SEMA6D: variants seen among roughly 807,000 people sequenced by gnomAD.
SEMA6D encodes semaphorin-6D.
A neutral mutation model predicts 106.6 loss-of-function variants in SEMA6D; 35 were observed. The ratio of observed to expected loss-of-function variants is 0.33; its 90% confidence interval spans 0.25 to 0.44. SEMA6D has a LOEUF of 0.44. SEMA6D is among the 20% of genes least tolerant of loss of function. SEMA6D has a pLI of 1.00. For missense variants in SEMA6D, 1,185 were observed against 1,345.9 expected, an observed-to-expected ratio of 0.88 and a Z score of 1.87; for synonymous variants, 499 against 487.7, an observed-to-expected ratio of 1.02 and a Z score of -0.31.
At chr15:47,353,705 T>C (rs1412645906) in intron 1 of SEMA6D, among the ~76,000 whole-genome samples, 1 of 152,138 alleles carries the variant, frequency 6.6e-6, no homozygotes, top group Non-Finnish European at 1.5e-5. Flanking sequence ...TATCTTTGAG[T>C]CCACCACAGC....
At chr15:47,306,283 C>T (rs943451040) in intron 1 of SEMA6D, among the ~76,000 whole-genome samples, 5 of 151,882 alleles carry the variant, frequency 3.3e-5, no homozygotes, top group Non-Finnish European at 5.9e-5. Flanking sequence ...GCGCCTGGCC[C>T]AATGGTAACT....
intron 3 of SEMA6D, among the ~76,000 whole-genome samples, chr15:47,593,032 CCT>C (rs2076467593): frequency 6.6e-6 from 1 of 152,118 alleles, no homozygotes; most frequent in South Asian, 2.1e-4. Flanking sequence ...CACAGCAGTA[CCT>C]CTCTGTGAAG....
At chr15:47,770,440 A>C (rs957343173) in intron 18 of SEMA6D, 57 bp from the exon 19 acceptor site, 31 of 1,412,520 alleles carry the variant, frequency 2.2e-5, no homozygotes, top group Non-Finnish European at 2.9e-5. Context: ...GCCATTTGCT[A>C]TTTATTATTA....
chr15:47,715,466 A>G (rs970455899), upstream of SEMA6D, among the ~76,000 whole-genome samples: 12 of 152,178 alleles, frequency 7.9e-5, no homozygotes, highest in Non-Finnish European at 1.2e-4. Flanking sequence ...CTTAAAAGTA[A>G]TATTTTGGTC....
intron 3 of SEMA6D, among the ~76,000 whole-genome samples, chr15:47,561,373 A>C (rs1225829247): frequency 6.6e-6 from 1 of 152,104 alleles, no homozygotes; most frequent in Non-Finnish European, 1.5e-5. Flanking sequence ...CAAATCTTCT[A>C]TATCCAGCAA....
intron 11 of SEMA6D, 83 bp downstream of exon 11, chr15:47,764,388 G>A: frequency 6.7e-7 from 1 of 1,503,508 alleles, no homozygotes; most frequent in East Asian, 2.3e-5. Flanking sequence ...GAGCAGCTTG[G>A]CCAACCTCCC....
At chr15:47,458,876 T>G (rs1352245577) in intron 2 of SEMA6D, among the ~76,000 whole-genome samples, 1 of 151,788 alleles carries the variant, frequency 6.6e-6, no homozygotes, top group Non-Finnish European at 1.5e-5. Flanking sequence ...CAAAAATAAA[T>G]AAATAAATAA....
At chr15:47,478,079 C>G (rs2043049160) in intron 3 of SEMA6D, among the ~76,000 whole-genome samples, 1 of 152,054 alleles carries the variant, frequency 6.6e-6, no homozygotes, top group Non-Finnish European at 1.5e-5. Context: ...ATTTCTCAAC[C>G]CCTTTTAACT....
At chr15:47,468,941 G>A (rs535717012) in intron 2 of SEMA6D, among the ~76,000 whole-genome samples, 2 of 152,208 alleles carry the variant, frequency 1.3e-5, no homozygotes, top group African/African-American at 4.8e-5. Context: ...AATGTTTTAT[G>A]TAGAAAGTCC....
intron 1 of SEMA6D, among the ~76,000 whole-genome samples, chr15:47,338,410 G>A (rs1464154604): frequency 6.6e-6 from 1 of 152,116 alleles, no homozygotes; most frequent in East Asian, 1.9e-4. Flanking sequence ...AAATGCTTGA[G>A]GGGATGGATA....
At chr15:47,491,900 A>G (rs1215044518) in intron 3 of SEMA6D, among the ~76,000 whole-genome samples, 5 of 152,160 alleles carry the variant, frequency 3.3e-5, no homozygotes, top group African/African-American at 4.8e-5. Flanking sequence ...CAGTGGTTGA[A>G]TTAATTAATA....
At chr15:47,476,226 G>C (rs1363289572) in intron 3 of SEMA6D, among the ~76,000 whole-genome samples, 1 of 152,186 alleles carries the variant, frequency 6.6e-6, no homozygotes, top group Admixed American at 6.6e-5. Context: ...TTCATGGAAA[G>C]ATGAGTAGAG....
At chr15:47,364,422 CT>C (rs2038933750) in intron 1 of SEMA6D, among the ~76,000 whole-genome samples, 1 of 152,134 alleles carries the variant, frequency 6.6e-6, no homozygotes, top group African/African-American at 2.4e-5. Context: ...AAGAAAAGGT[CT>C]AAAGGGAATT....
intron 1 of SEMA6D, among the ~76,000 whole-genome samples, chr15:47,216,085 G>A (rs2030567424): frequency 6.6e-6 from 1 of 152,068 alleles, no homozygotes; most frequent in African/African-American, 2.4e-5. Context: ...ACTTTGAAGA[G>A]GCAACTGATA....
intron 3 of SEMA6D, among the ~76,000 whole-genome samples, chr15:47,507,884 T>C (rs1418105531): frequency 6.6e-6 from 1 of 152,220 alleles, no homozygotes; most frequent in Non-Finnish European, 1.5e-5. Context: ...TGAACAGATT[T>C]GGTTTGGTTC....
At chr15:47,351,857 A>G (rs1361655632) in intron 1 of SEMA6D, among the ~76,000 whole-genome samples, 1 of 152,248 alleles carries the variant, frequency 6.6e-6, no homozygotes, top group East Asian at 1.9e-4. Flanking sequence ...GATATGGAAG[A>G]TTTCTTGAGA....
intron 1 of SEMA6D, among the ~76,000 whole-genome samples, chr15:47,212,765 T>C (rs558239705): frequency 1.5e-4 from 23 of 152,306 alleles, no homozygotes; most frequent in Admixed American, 5.2e-4. Flanking sequence ...ACTGTATGAC[T>C]ATCATGATAT....
chr15:47,503,621 C>G (rs1441279773), intron 3 of SEMA6D, among the ~76,000 whole-genome samples: 11 of 152,040 alleles, frequency 7.2e-5, no homozygotes, highest in African/African-American at 2.7e-4. Flanking sequence ...ATTAATGTCA[C>G]TTTTGGGGGA....
At position 47,387,425 on chromosome 15, in the gene SEMA6D, A is replaced by T. The variant is rs192241754; in HGVS notation, c.-238-24968A>T. On this transcript the variant is annotated intron_variant, in intron 1 of 19. Transcript: ENST00000558014. ...GGATTTGCCCATTACTAGTTTTGTG[A>T]CCTTGTATTAGTACCATAAACTTTT... 3.8e-3 allele frequency among the ~76,000 whole-genome samples: 573 copies of T among 152,304 alleles called. 4 individuals are homozygous for T. Among genetic ancestry groups the T allele is most frequent in the African/African-American group, 0.013 (543 of 41,572 alleles).
Sources: gnomAD v4.1 joint callset for allele counts (sites outside exome capture counted in the v4.1 genomes callset) on GRCh38, gnomAD v4.1.1 for gene constraint, MANE v1.5 for transcripts, NCBI Gene and HGNC (gene_info 2026-07-23, HGNC 2026-07-21) for gene names.